Variants in RAPGEF1 observed in about 807,000 individuals in gnomAD.
RAPGEF1 encodes the protein Rap guanine nucleotide exchange factor 1.
A neutral mutation model predicts 143.3 loss-of-function variants in RAPGEF1; 33 were observed. The ratio of observed to expected loss-of-function variants is 0.23; its 90% CI spans 0.17 to 0.31. The LOEUF (loss-of-function observed/expected upper bound fraction) is 0.31. RAPGEF1 is among the 10% of genes least tolerant of loss of function. The pLI is 1.00. For synonymous variants in RAPGEF1, 629 were observed against 676.5 expected, an observed-to-expected ratio of 0.93 and a Z score of 1.09; for missense variants, 1,199 against 1,645.4, an observed-to-expected ratio of 0.73 and a Z score of 4.69.
At chr9:131,613,268 G>T (rs1958334568) in intron 12 of RAPGEF1, among the ~76,000 whole-genome samples, 1 of 152,180 alleles carries the variant, frequency 6.6e-6, no homozygotes, top group Non-Finnish European at 1.5e-5. Context: ...GAGAAGACAG[G>T]GTTGTGCAGG....
chr9:131,679,177 A>G (rs950192473), intron 1 of RAPGEF1, among the ~76,000 whole-genome samples: 5 of 151,722 alleles, frequency 3.3e-5, no homozygotes, highest in Non-Finnish European at 7.4e-5. Context: ...GGGGGGGGCC[A>G]CAAGCAGCTG....
chr9:131,636,708 G>A (rs981427081), intron 5 of RAPGEF1, among the ~76,000 whole-genome samples: 4 of 152,198 alleles, frequency 2.6e-5, no homozygotes, highest in African/African-American at 7.2e-5. Context: ...AACAGCAGGG[G>A]TGGGTGGGCC....
chr9:131,610,824 T>C (rs1957925084), intron 12 of RAPGEF1, among the ~76,000 whole-genome samples: 1 of 152,158 alleles, frequency 6.6e-6, no homozygotes, highest in Non-Finnish European at 1.5e-5. Flanking sequence ...ACCCACGTGA[T>C]TGTCTGGGGA....
intron 1 of RAPGEF1, among the ~76,000 whole-genome samples, chr9:131,689,820 G>A (rs1249315261): frequency 3.9e-5 from 6 of 152,192 alleles, no homozygotes; most frequent in African/African-American, 1.4e-4. Flanking sequence ...TTACAGGCGC[G>A]AGCCACCGCG....
intron 12 of RAPGEF1, among the ~76,000 whole-genome samples, chr9:131,608,683 A>G (rs888351381): frequency 6.6e-5 from 10 of 152,286 alleles, no homozygotes; most frequent in Non-Finnish European, 1.0e-4. Flanking sequence ...GCCAAACTGG[A>G]AAGGTACCTT....
intron 3 of RAPGEF1, among the ~76,000 whole-genome samples, chr9:131,646,339 C>A (rs1212921354): frequency 6.6e-6 from 1 of 152,142 alleles, no homozygotes. Context: ...AGAATAAAGA[C>A]CAGATCAGAA....
intron 1 of RAPGEF1, among the ~76,000 whole-genome samples, chr9:131,661,276 T>C (rs138946103): frequency 3.9e-5 from 6 of 152,320 alleles, no homozygotes; most frequent in Admixed American, 1.3e-4. Context: ...TATCATGCAA[T>C]CGACACCCAT....
rs376335303 is a variant in RAPGEF1, at chr9:131,626,076, G to A, written c.1548C>T (p.Ile516=). ...SGEDLQSTAP[I]PSVPYAPFAA... ...CAAAGGGCGCGTAGGGGACGGATGG[G>A]ATCGGGGCTGTGCTCTGCAGGTCCT... The change falls in exon 10 of 27, where the codon ATC becomes ATT. Residue 516 remains isoleucine, a synonymous_variant. Transcript: ENST00000683357. The A allele has an allele frequency of 6.2e-7, 1 of 1,613,996 alleles. No individual in the cohort carries two copies. The highest frequency in any genetic ancestry group is 1.3e-5 in the African/African-American group (1 of 75,062).
intron 10 of RAPGEF1, among the ~76,000 whole-genome samples, chr9:131,624,041 C>T (rs560309499): frequency 6.6e-6 from 1 of 152,260 alleles, no homozygotes; most frequent in South Asian, 2.1e-4. Context: ...CCAACCCCTG[C>T]ACAGGGGTCA....
At position 131,584,710 on chromosome 9, in the gene RAPGEF1, C is replaced by A. The variant is rs1449866394; in HGVS notation, c.3234-114G>T. 1.0e-6 allele frequency: 1 copy of A among 956,436 alleles called. No individual in the cohort carries two copies. The highest frequency in any genetic ancestry group is 1.6e-5 in the African/African-American group (1 of 61,232). The allele number at this position is 956,436 out of a possible 1,614,324, so 59.2% of individuals were successfully genotyped here. On this transcript the variant is annotated intron_variant, in intron 22 of 26. Coordinates refer to ENST00000683357, the MANE Select transcript of RAPGEF1 (RefSeq NM_001377935.1). This position sits in a 1 kb window ranked among gnomAD's most constrained non-coding sequence, Gnocchi z 6.8. ...CCCATGCCAGTGGCCACGAGCCCAC[C>A]CCTACTGAATACCTGCAGCCTGCCC...
chr9:131,665,552 C>T (rs756815187), intron 1 of RAPGEF1, among the ~76,000 whole-genome samples: 1 of 152,186 alleles, frequency 6.6e-6, no homozygotes, highest in African/African-American at 2.4e-5. Context: ...AGCTAAGTCT[C>T]GCTATGTCAC....
At chr9:131,624,568 A>G (rs1051055347) in intron 10 of RAPGEF1, among the ~76,000 whole-genome samples, 39 of 152,194 alleles carry the variant, frequency 2.6e-4, no homozygotes, top group African/African-American at 8.4e-4. Context: ...TGCAGCTTGC[A>G]AGGATGCCAT....
At position 131,739,893 on chromosome 9, in the gene RAPGEF1, T is replaced by G; in HGVS notation, c.-63A>C. On this transcript the variant is annotated 5_prime_UTR_variant, in exon 1 of 27. Transcript: ENST00000683357. ...GCGCGCCCGCCGCTCGCCTCGGCCC[T>G]GGCTCGCCACGCCTCAGACCCGCGC... The G allele has an allele frequency of 2.1e-6, 2 of 940,934 alleles. No homozygotes were observed. Among genetic ancestry groups the G allele is most frequent in the Non-Finnish European group, 1.3e-6 (1 of 791,874 alleles). 58.3% of individuals were successfully genotyped at this position (940,934 alleles called of 1,614,324 possible).
intron 1 of RAPGEF1, among the ~76,000 whole-genome samples, chr9:131,735,500 T>A (rs1837356101): frequency 6.6e-6 from 1 of 152,188 alleles, no homozygotes; most frequent in African/African-American, 2.4e-5. Context: ...CAGCACGACA[T>A]CTGCTGAGTT....
chr9:131,607,748 A>T (rs1330040309), intron 12 of RAPGEF1, among the ~76,000 whole-genome samples: 1 of 152,116 alleles, frequency 6.6e-6, no homozygotes, highest in Non-Finnish European at 1.5e-5. Context: ...TGCCTAGTTT[A>T]AGGAGTCATG....
At chr9:131,709,531 C>A (rs945542580) in intron 1 of RAPGEF1, 2 of 1,235,044 alleles carry the variant, frequency 1.6e-6, no homozygotes, top group African/African-American at 3.0e-5. Flanking sequence ...GGTGATTCCC[C>A]AGGCACTTCA....
chr9:131,640,819 G>A (rs1376581393), intron 4 of RAPGEF1, among the ~76,000 whole-genome samples: 1 of 152,170 alleles, frequency 6.6e-6, no homozygotes, highest in Non-Finnish European at 1.5e-5. Flanking sequence ...AGGGAGGAAA[G>A]AGATAATGCA....
Position 131,735,922 on chromosome 9 carries a change from C to T in RAPGEF1, c.61+3848G>A, listed in dbSNP as rs953281217. On this transcript the variant is annotated intron_variant, in intron 1 of 26. Transcript: ENST00000683357. ...ATTCTTTTGTTTTTTTCCTCAAGAA[C>T]ACGTGCGGATCCAACCCAACATATC... Among the ~76,000 whole-genome samples the T allele has an allele frequency of 1.1e-4, 17 of 152,178 alleles. No individual in the cohort carries two copies. The East Asian group carries it at 3.3e-3, about 29-fold the overall frequency.
chr9:131,718,280 G>A (rs763769337), intron 1 of RAPGEF1, among the ~76,000 whole-genome samples: 5 of 152,236 alleles, frequency 3.3e-5, no homozygotes, highest in African/African-American at 1.2e-4. Flanking sequence ...AGGGGTGTCA[G>A]GGAGTGAGTT....
Sources: allele counts gnomAD v4.1 joint callset (sites outside exome capture counted in the v4.1 genomes callset), GRCh38; gene constraint gnomAD v4.1.1; non-coding constraint Gnocchi (gnomAD v3.1); transcripts MANE v1.5; gene names NCBI Gene and HGNC (gene_info 2026-07-23, HGNC 2026-07-21).